GARNL3: variants seen among roughly 807,000 people sequenced by gnomAD.
The protein encoded by GARNL3 is GTPase-activating Rap/Ran-GAP domain-like protein 3.
GARNL3 carries 63 observed loss-of-function variants against 125.0 expected under a neutral mutation model. The ratio of observed to expected loss-of-function variants is 0.50; its 90% CI spans 0.41 to 0.62. The LOEUF (loss-of-function observed/expected upper bound fraction) is 0.62, where lower values mean the gene tolerates loss of function less well. GARNL3 is among the 20% of genes least tolerant of loss of function. The probability of loss-of-function intolerance (pLI) is 0.00; values close to 1 mark genes in which losing one functional copy is unlikely to be tolerated. For missense variants in GARNL3, 994 were observed against 1,244.0 expected, an observed-to-expected ratio of 0.80 and a Z score of 3.02; for synonymous variants, 439 against 457.5, an observed-to-expected ratio of 0.96 and a Z score of 0.52.
chr9:127,246,205 G>A (rs771868097), intron 2 of GARNL3, among the ~76,000 whole-genome samples: 1 of 152,184 alleles, frequency 6.6e-6, no homozygotes, highest in African/African-American at 2.4e-5. Flanking sequence ...AAGTTGGAAA[G>A]ATAATTGGCG....
At chr9:127,375,145 A>G (rs1248947834) in intron 22 of GARNL3, among the ~76,000 whole-genome samples, 2 of 152,176 alleles carry the variant, frequency 1.3e-5, no homozygotes. Flanking sequence ...CAGCCGTTCC[A>G]CTTCTAGGAA....
rs1032063874 is a variant in GARNL3, at chr9:127,280,782, A to G, written c.145-10386A>G. ...CCAAGACAGGTATATTTTGAGCTGG[A>G]AAGCTACATGACAGTGCTTATCCTG... On this transcript the variant is annotated intron_variant, in intron 1 of 27. Coordinates refer to ENST00000373387, the MANE Select transcript of GARNL3 (RefSeq NM_032293.5). The surrounding 1 kb of genome is among the most constrained non-coding windows in gnomAD (Gnocchi z 4.5). Among the ~76,000 whole-genome samples the G allele has an allele frequency of 6.6e-6, 1 of 152,216 alleles. No homozygotes were observed. The highest frequency in any genetic ancestry group is 6.5e-5 in the Admixed American group (1 of 15,286).
intron 16 of GARNL3, among the ~76,000 whole-genome samples, chr9:127,348,272 C>T (rs766337311): frequency 3.3e-5 from 5 of 152,222 alleles, no homozygotes; most frequent in Non-Finnish European, 5.9e-5. Context: ...CACACATCCA[C>T]GTGTGGCTCT....
Position 127,360,130 on chromosome 9 carries a change from C to T in GARNL3, c.2094+2753C>T, listed in dbSNP as rs111864538. The stretch of plus-strand genomic sequence containing the variant: ...CTGACTCCCTGGTTCATGCGATTCT[C>T]CTGCCTCAGCCTCCTGACGAGTAGC... On this transcript the variant is annotated intron_variant, in intron 21 of 27. Transcript: ENST00000373387. Among the ~76,000 whole-genome samples, 23 of 152,252 alleles carry T rather than the reference C, an allele frequency of 1.5e-4. 1 individual carries two copies. Among genetic ancestry groups the T allele is most frequent in the Non-Finnish European group, 1.5e-4 (10 of 68,026 alleles).
At chr9:127,283,896 G>A (rs1264606815) in intron 1 of GARNL3, among the ~76,000 whole-genome samples, 1 of 152,102 alleles carries the variant, frequency 6.6e-6, no homozygotes, top group African/African-American at 2.4e-5. Context: ...CCATAGCAGA[G>A]ATATAAGACC....
chr9:127,347,750 C>T (rs1055521064), intron 16 of GARNL3, among the ~76,000 whole-genome samples: 6 of 152,286 alleles, frequency 3.9e-5, no homozygotes, highest in African/African-American at 7.2e-5. Context: ...CTTGGGGAAA[C>T]GTCATTTCAA....
intron 2 of GARNL3, among the ~76,000 whole-genome samples, chr9:127,253,558 A>G (rs752699343): frequency 1.6e-4 from 24 of 152,036 alleles, no homozygotes; most frequent in Non-Finnish European, 2.8e-4. Flanking sequence ...TGTAATTCCT[A>G]GTTTGGGAGG....
chr9:127,357,813 G>A (rs1830770116), intron 21 of GARNL3, among the ~76,000 whole-genome samples: 1 of 151,982 alleles, frequency 6.6e-6, no homozygotes, highest in South Asian at 2.1e-4. Flanking sequence ...AGAGTCAAAA[G>A]GCTGACTATA....
chr9:127,339,299 A>C (rs555980200), intron 12 of GARNL3, among the ~76,000 whole-genome samples: 3 of 151,480 alleles, frequency 2.0e-5, no homozygotes, highest in African/African-American at 4.8e-5. Flanking sequence ...TCCGTCTCAA[A>C]AAAAAAAAAA....
At chr9:127,267,223 G>C (rs1416639601) in intron 1 of GARNL3, among the ~76,000 whole-genome samples, 2 of 152,132 alleles carry the variant, frequency 1.3e-5, no homozygotes, top group Non-Finnish European at 2.9e-5. Context: ...GGCCATGACT[G>C]TGTGTATGTG....
At chr9:127,343,722 A>G (rs776993300) in intron 14 of GARNL3, among the ~76,000 whole-genome samples, 3 of 152,350 alleles carry the variant, frequency 2.0e-5, no homozygotes, top group Non-Finnish European at 4.4e-5. Flanking sequence ...TGTGCGAAGT[A>G]CCTTACATGC....
intron 7 of GARNL3, among the ~76,000 whole-genome samples, chr9:127,328,153 T>A (rs1235873774): frequency 1.3e-5 from 2 of 152,306 alleles, no homozygotes; most frequent in East Asian, 3.9e-4. Context: ...CTCCTCTGCT[T>A]TTTTTGAAAC....
intron 1 of GARNL3, among the ~76,000 whole-genome samples, chr9:127,283,191 G>T (rs2064147675): frequency 6.6e-6 from 1 of 152,146 alleles, no homozygotes; most frequent in Admixed American, 6.5e-5. Flanking sequence ...CTGCATGAAT[G>T]TCCAGCATGT....
intron 2 of GARNL3, among the ~76,000 whole-genome samples, chr9:127,309,259 T>C (rs1012215757): frequency 1.3e-5 from 2 of 152,232 alleles, no homozygotes; most frequent in African/African-American, 4.8e-5. Context: ...CTACTTATTA[T>C]CTCTGTAGCC....
chr9:127,391,700 C>CAAAA (rs11357196), intron 27 of GARNL3, among the ~76,000 whole-genome samples: 1 of 76,922 alleles, frequency 1.3e-5, no homozygotes, highest in Non-Finnish European at 2.7e-5. Context: ...GACCCCGTGT[C>CAAAA]AAAAAAAAAA....
chr9:127,264,669 G>C (rs2063662886), upstream of GARNL3: 1 of 1,193,544 alleles, frequency 8.4e-7, no homozygotes, highest in African/African-American at 1.6e-5. Flanking sequence ...AGTAACCTTG[G>C]AAATTTCAAT....
At chr9:127,296,836 C>T (rs1038950196) in intron 2 of GARNL3, among the ~76,000 whole-genome samples, 2 of 151,916 alleles carry the variant, frequency 1.3e-5, no homozygotes, top group African/African-American at 2.4e-5. Flanking sequence ...CCCTCTCTCA[C>T]CCTGGAGGTT....
chr9:127,287,631 T>C (rs1390138175), intron 1 of GARNL3, among the ~76,000 whole-genome samples: 1 of 152,236 alleles, frequency 6.6e-6, no homozygotes, highest in Non-Finnish European at 1.5e-5. Context: ...ACACTGAGAC[T>C]GCCACTCTGT....
Position 127,281,760 on chromosome 9 carries a change from C to A in GARNL3, c.145-9408C>A, listed in dbSNP as rs532859235. On this transcript the variant is annotated intron_variant, in intron 1 of 27. Transcript: ENST00000373387. ...CATTCTACCCATGTTTATGCCTTTT[C>A]TCACCCCCTCTTTTTGATGCAGACA... 4.6e-5 allele frequency among the ~76,000 whole-genome samples: 7 copies of A among 152,326 alleles called. No individual in the cohort carries two copies. In the South Asian group the frequency reaches 1.4e-3, roughly 32 times the overall value.
Sources: gnomAD v4.1 joint callset for allele counts (sites outside exome capture counted in the v4.1 genomes callset) on GRCh38, gnomAD v4.1.1 for gene constraint, Gnocchi (gnomAD v3.1) non-coding constraint, MANE v1.5 for transcripts, NCBI Gene and HGNC (gene_info 2026-07-23, HGNC 2026-07-21) for gene names.